RAB4A: variants seen among roughly 807,000 people sequenced by gnomAD.
RAB4A encodes RAB4A, member RAS oncogene family, also known as ras-related protein Rab-4A.
Under a neutral mutation model 34.5 loss-of-function variants are expected in RAB4A, and 20 were observed. The ratio of observed to expected loss-of-function variants is 0.58; its 90% CI spans 0.41 to 0.84. RAB4A has a LOEUF of 0.84. RAB4A is among the 40% of genes least tolerant of loss of function. The pLI, the probability that RAB4A is intolerant of heterozygous loss-of-function variation, is 0.00. For missense variants in RAB4A, 228 were observed against 274.5 expected (o/e 0.83, Z 1.20); for synonymous variants, 102 against 100.0 (o/e 1.02, Z -0.12).
chr1:229,283,222 T>C (rs1656821070), intron 1 of RAB4A, among the ~76,000 whole-genome samples: 1 of 152,228 alleles, frequency 6.6e-6, no homozygotes, highest in Admixed American at 6.5e-5. Flanking sequence ...TTCTCGTCCC[T>C]CTTTCCCTGG....
At chr1:229,272,117 C>CT (rs541195333) in intron 1 of RAB4A, among the ~76,000 whole-genome samples, 2,099 of 145,110 alleles carry the variant, frequency 0.014, 22 homozygotes, top group South Asian at 0.036. Flanking sequence ...ATGCTGTGTG[C>CT]TTTTTTTTTT....
intron 1 of RAB4A, among the ~76,000 whole-genome samples, chr1:229,278,971 A>C (rs1656714998): frequency 1.3e-5 from 2 of 152,222 alleles, no homozygotes; most frequent in South Asian, 4.1e-4. Flanking sequence ...GTTGGCTTAC[A>C]GGTATTTTCA....
At chr1:229,272,629 C>G (rs909953011) in intron 1 of RAB4A, among the ~76,000 whole-genome samples, 1 of 152,190 alleles carries the variant, frequency 6.6e-6, no homozygotes, top group South Asian at 2.1e-4. Flanking sequence ...GCACGCAGAA[C>G]ATCTCAGGCC....
chr1:229,271,162 G>C lies in RAB4A; in HGVS notation c.-178G>C. 2 of 483,868 alleles carry C rather than the reference G, an allele frequency of 4.1e-6. No homozygotes were observed. Among genetic ancestry groups the C allele is most frequent in the Non-Finnish European group, 6.4e-6 (2 of 314,220 alleles). The allele number at this position is 483,868 out of a possible 1,614,324, so 30.0% of individuals were successfully genotyped here. On this transcript the variant is annotated 5_prime_UTR_variant, in exon 1 of 8. Transcript: ENST00000366690. ...ACGGAGGGTGGAGGGCCCTGCGCCT[G>C]CGCGGAGCTGGAGTCCGGCTGGGCC...
At position 229,302,277 on chromosome 1, in the gene RAB4A, A is replaced by ATTTTTTT. The variant is rs1558242186; in HGVS notation, c.542-584_542-583insTTTTTTT. Reference sequence around the variant, plus strand: ...AATAATTATATATATATATATATATATATATATATATATATATATATATAT... The same window carrying ATTTTTTT: ...AATAATTATATATATATATATATATATTTTTTTTATATATATATATATATATATATAT... On this transcript the variant is annotated intron_variant, in intron 6 of 7. Transcript: ENST00000366690. 1.3e-4 allele frequency among the ~76,000 whole-genome samples: 2 copies of ATTTTTTT among 14,848 alleles called. 1 individual carries two copies. Among genetic ancestry groups the ATTTTTTT allele is most frequent in the African/African-American group, 7.8e-4 (2 of 2,572 alleles). The allele number at this position is 14,848 out of a possible 152,430, so 9.7% of individuals were successfully genotyped here.
Position 229,302,022 on chromosome 1 carries a change from A to C in RAB4A, c.542-840A>C, listed in dbSNP as rs184641667. On this transcript the variant is annotated intron_variant, in intron 6 of 7. Transcript: ENST00000366690. The stretch of plus-strand genomic sequence containing the variant: ...AGGAAATGCTCATTGGAGCACTTCA[A>C]ATTTCAGATTTTCAGATTAGGGATG... Among the ~76,000 whole-genome samples, 7 of 151,850 alleles carry C rather than the reference A, an allele frequency of 4.6e-5. No individual in the cohort carries two copies. The East Asian group carries it at 1.4e-3, about 29-fold the overall frequency.
chr1:229,302,295 ATATATATATATATATT>A (rs1229803899), intron 6 of RAB4A, among the ~76,000 whole-genome samples: 326 of 25,192 alleles, frequency 0.013, 17 homozygotes, highest in African/African-American at 0.052. Context: ...ATATATATAT[ATATATATATATATATT>A]TTTTTTTTTT....
In RAB4A at chr1:229,272,349, T is replaced by G. The variant is rs146232765; in HGVS notation, c.31+979T>G. Among the ~76,000 whole-genome samples the G allele has an allele frequency of 3.4e-3, 513 of 152,308 alleles. 3 individuals carry two copies. Among genetic ancestry groups the G allele is most frequent in the African/African-American group, 0.012 (493 of 41,560 alleles). On this transcript the variant is annotated intron_variant, in intron 1 of 7. Coordinates refer to ENST00000366690, the MANE Select transcript of RAB4A (RefSeq NM_004578.4). ...CCTGTCTCCATCTGTCCTGGCATGC[T>G]GCTTCCTTCTCTGCAACAAATACTG...
chr1:229,286,555 T>C lies in RAB4A; in HGVS notation c.101T>C (p.Ile34Thr). The C allele has an allele frequency of 6.4e-7, 1 of 1,568,086 alleles. No individual in the cohort carries two copies. Among genetic ancestry groups the C allele is most frequent in the Non-Finnish European group, 8.7e-7 (1 of 1,154,796 alleles). ...TGKSCLLHQFIEKKFKDDSNH... is the reference protein window; with the variant it reads ...TGKSCLLHQFTEKKFKDDSNH... ...AAATCTTGCTTACTTCATCAGTTTATTGAAAAAAAATGTAAGTGTCATGAA... is the reference window on the plus strand; with the variant it reads ...AAATCTTGCTTACTTCATCAGTTTACTGAAAAAAAATGTAAGTGTCATGAA... The change falls in exon 2 of 8, where the codon ATT (isoleucine) becomes ACT (threonine). Residue 34 changes from isoleucine to threonine, a missense_variant. Physicochemically the swap from Ile to Thr is moderately conservative, Grantham distance 89 (BLOSUM62 -1). Coordinates refer to ENST00000366690, the MANE Select transcript of RAB4A (RefSeq NM_004578.4).
Position 229,291,493 on chromosome 1 carries a change from C to G in RAB4A, c.227+2650C>G, listed in dbSNP as rs546758483. On this transcript the variant is annotated intron_variant, in intron 3 of 7. Coordinates refer to ENST00000366690, the MANE Select transcript of RAB4A (RefSeq NM_004578.4). ...AAGTGAGGGGCTCTGTAAGAGCTCA[C>G]GACTCTGTCAGAGCGGGGAAGAAAC... Among the ~76,000 whole-genome samples, 10 of 152,252 alleles carry G rather than the reference C, an allele frequency of 6.6e-5. No homozygotes were observed. In the East Asian group the frequency reaches 1.9e-3, roughly 29 times the overall value.
In RAB4A at chr1:229,302,632, C is replaced by G. The variant is rs547557164; in HGVS notation, c.542-230C>G. Among the ~76,000 whole-genome samples, 13 of 151,736 alleles carry G rather than the reference C, an allele frequency of 8.6e-5. No individual in the cohort carries two copies. In the East Asian group the frequency reaches 2.1e-3, roughly 25 times the overall value. On this transcript the variant is annotated intron_variant, in intron 6 of 7. Transcript: ENST00000366690. ...ATGAAAAGTCCCCCTGTTACCACCC[C>G]CTCCTGTCCTCAGCCATCTAGAACT...
At position 229,295,924 on chromosome 1, in the gene RAB4A, C is replaced by T; in HGVS notation, c.290+14C>T. On this transcript the variant is annotated intron_variant, in intron 4 of 7. Coordinates refer to ENST00000366690, the MANE Select transcript of RAB4A (RefSeq NM_004578.4). Reference sequence around the variant, plus strand: ...TGATATCACCAGGTAATGCCAGCTCCCCCTGGTGAAGGAGGGTGCTCAGTG... The same window carrying T: ...TGATATCACCAGGTAATGCCAGCTCTCCCTGGTGAAGGAGGGTGCTCAGTG... The T allele has an allele frequency of 6.2e-7, 1 of 1,613,834 alleles. No homozygotes were observed. The highest frequency in any genetic ancestry group is 1.3e-5 in the African/African-American group (1 of 75,024).
rs542539411 is a variant in RAB4A, at chr1:229,288,794, A to G, written c.178A>G (p.Lys60Glu). 1 of 1,596,924 alleles carries G rather than the reference A, an allele frequency of 6.3e-7. No individual in the cohort carries two copies. The highest frequency in any genetic ancestry group is 1.1e-5 in the South Asian group (1 of 90,268). The change falls in exon 3 of 8, where the codon AAA (lysine) becomes GAA (glutamate). Residue 60 changes from lysine to glutamate, a missense_variant. By Grantham distance (56) the Lys-to-Glu change is moderately conservative (BLOSUM62 1). Transcript: ENST00000366690. ...FGSKIINVGGKYVKLQIWDTA... is the reference protein window; with the variant it reads ...FGSKIINVGGEYVKLQIWDTA... ...TTCAAAGATAATAAATGTTGGTGGT[A>G]AATATGTAAAGTTACAAATATGGGA...
chr1:229,288,756 G>T lies in RAB4A; in HGVS notation c.140G>T (p.Gly47Val). Reference protein sequence around the residue: ...KFKDDSNHTIGVEFGSKIINV... With the variant: ...KFKDDSNHTIVVEFGSKIINV... ...AAAGATGACTCAAATCATACAATAG[G>T]AGTGGAATTTGGTTCAAAGATAATA... The change falls in exon 3 of 8, where the codon GGA becomes GTA. Residue 47 changes from glycine (G) to valine (V), a missense_variant. Transcript: ENST00000366690. 1 of 1,577,092 alleles carries T rather than the reference G, an allele frequency of 6.3e-7. No individual in the cohort carries two copies. Among genetic ancestry groups the T allele is most frequent in the Non-Finnish European group, 8.7e-7 (1 of 1,148,524 alleles).
At position 229,305,240 on chromosome 1, in the gene RAB4A, C is replaced by T. The variant is rs755417336; in HGVS notation, c.*1447C>T. 10 of 1,608,870 alleles carry T rather than the reference C, an allele frequency of 6.2e-6. No homozygotes were observed. The South Asian group carries it at 1.1e-4, about 18-fold the overall frequency. On this transcript the variant is annotated 3_prime_UTR_variant, in exon 8 of 8. Transcript: ENST00000366690. ...TCAAAAAGTATCTGAAGCAAATTCT[C>T]AGACTGAACTACTTCTTAGACCTCA...
At chr1:229,295,639 G>A (rs1181465837) in intron 3 of RAB4A, among the ~76,000 whole-genome samples, 1 of 152,048 alleles carries the variant, frequency 6.6e-6, no homozygotes, top group African/African-American at 2.4e-5. Flanking sequence ...CCGCTGTGAA[G>A]GAATCTCCTA....
chr1:229,305,606 G>A lies in RAB4A; in HGVS notation c.*1813G>A, dbSNP rs1320455556. 2 of 197,378 alleles carry A rather than the reference G, an allele frequency of 1.0e-5. No homozygotes were observed. The highest frequency in any genetic ancestry group is 2.0e-5 in the Non-Finnish European group (2 of 97,848). 12.2% of individuals were successfully genotyped at this position (197,378 alleles called of 1,614,324 possible). ...AATAAATGTCATGTTTCTATTTCCC[G>A]CAACTCATTAAGTTTTCAGGAAGCT... On this transcript the variant is annotated 3_prime_UTR_variant, in exon 8 of 8. Coordinates refer to ENST00000366690, the MANE Select transcript of RAB4A (RefSeq NM_004578.4).
At chr1:229,296,232 T>C (rs1334614063) in intron 4 of RAB4A, among the ~76,000 whole-genome samples, 1 of 152,216 alleles carries the variant, frequency 6.6e-6, no homozygotes, top group Non-Finnish European at 1.5e-5. Context: ...TGGAAAGTTA[T>C]TAGAAGTGAG....
intron 7 of RAB4A, 22 bp downstream of exon 7, chr1:229,303,011 C>T: frequency 6.5e-7 from 1 of 1,529,278 alleles, no homozygotes; most frequent in Non-Finnish European, 9.1e-7. Context: ...CACCTCCCTG[C>T]CCTGAGTTCC....
Sources: gnomAD v4.1 joint callset for allele counts (sites outside exome capture counted in the v4.1 genomes callset) on GRCh38, gnomAD v4.1.1 for gene constraint, MANE v1.5 for transcripts, NCBI Gene and HGNC (gene_info 2026-07-23, HGNC 2026-07-21) for gene names.